The following RALGAPB variants were observed in gnomAD, a reference collection of about 807,000 sequenced individuals.
RALGAPB encodes the protein Ral GTPase activating protein non-catalytic subunit beta, also known as ral GTPase-activating protein subunit beta.
A neutral mutation model predicts 161.1 loss-of-function variants in RALGAPB; 25 were observed. The ratio of observed to expected loss-of-function variants is 0.16; its 90% CI spans 0.11 to 0.22. The LOEUF is 0.22. Among genes scored for constraint, RALGAPB ranks in the 10% least tolerant of loss-of-function variants. RALGAPB has a pLI of 1.00. For missense variants in RALGAPB, 1,391 were observed against 1,815.2 expected (o/e 0.77, Z 4.25); for synonymous variants, 629 against 626.1 (o/e 1.00, Z -0.07).
At chr20:38,540,838 T>C (rs1018698311) in intron 17 of RALGAPB, among the ~76,000 whole-genome samples, 1 of 152,158 alleles carries the variant, frequency 6.6e-6, no homozygotes, top group African/African-American at 2.4e-5. Flanking sequence ...ACACCAAAAT[T>C]TAGTTCTTTA....
chr20:38,492,217 T>C (rs2085299812), intron 2 of RALGAPB, among the ~76,000 whole-genome samples: 1 of 152,160 alleles, frequency 6.6e-6, no homozygotes, highest in African/African-American at 2.4e-5. Context: ...ACCAGTGACT[T>C]GGGCCAGATT....
chr20:38,557,463 C>T (rs2087625318), intron 22 of RALGAPB, among the ~76,000 whole-genome samples: 1 of 152,180 alleles, frequency 6.6e-6, no homozygotes, highest in South Asian at 2.1e-4. Context: ...ATCAGTTGTA[C>T]AAATAGTTTT....
chr20:38,562,680 G>A lies in RALGAPB; in HGVS notation c.3680G>A (p.Gly1227Asp), dbSNP rs1191685998. ...TSWSINCCDD[G>D]EGSQQEVISS... ...TGGTCTATTAATTGTTGTGATGATG[G>A]TGAAGGATCTCAACAAGGTAAAACT... Residue 1227 changes from glycine to aspartate, a missense_variant, in exon 24 of 30, where the codon GGT (glycine) becomes GAT (aspartate). By Grantham distance (94) the Gly-to-Asp change is moderately conservative. This residue lies in a region of RALGAPB where 436 missense variants were observed against 527.0 expected (regional missense o/e 0.83). Transcript: ENST00000262879. 3.7e-6 allele frequency: 6 copies of A among 1,609,856 alleles called. No homozygotes were observed. Among genetic ancestry groups the A allele is most frequent in the African/African-American group, 2.7e-5 (2 of 74,672 alleles).
chr20:38,537,116 A>G (rs962938435), intron 16 of RALGAPB, among the ~76,000 whole-genome samples: 23 of 152,228 alleles, frequency 1.5e-4, no homozygotes, highest in African/African-American at 5.3e-4. Flanking sequence ...CTGTAAGGCT[A>G]CAGTAACACA....
chr20:38,477,377 C>A (rs1051441358), intron 1 of RALGAPB, among the ~76,000 whole-genome samples: 1 of 152,156 alleles, frequency 6.6e-6, no homozygotes, highest in Non-Finnish European at 1.5e-5. Flanking sequence ...ACAGGGTATT[C>A]AAACGTTCTT....
At chr20:38,480,961 C>T (rs1171834043) in intron 1 of RALGAPB, among the ~76,000 whole-genome samples, 1 of 151,846 alleles carries the variant, frequency 6.6e-6, no homozygotes, top group Non-Finnish European at 1.5e-5. Context: ...TGGTCTTGAT[C>T]TCCTGACCTC....
At position 38,554,994 on chromosome 20, in the gene RALGAPB, G is replaced by A. The variant is rs547890130; in HGVS notation, c.3372+918G>A. On this transcript the variant is annotated intron_variant, in intron 22 of 29. Coordinates refer to ENST00000262879, the MANE Select transcript of RALGAPB (RefSeq NM_020336.4). ...AGCTTCTCAGGAGTCTGAGGCAAGA[G>A]GATTGCTTGAGCCTGAGAGTTCGAG... Among the ~76,000 whole-genome samples, 4 of 152,292 alleles carry A rather than the reference G, an allele frequency of 2.6e-5. No homozygotes were observed. In the South Asian group the frequency reaches 6.2e-4, roughly 24 times the overall value.
intron 28 of RALGAPB, among the ~76,000 whole-genome samples, chr20:38,572,950 G>C (rs2145546310): frequency 6.6e-6 from 1 of 152,098 alleles, no homozygotes; most frequent in African/African-American, 2.4e-5. Context: ...CTTTTAATCT[G>C]GAACAGTCCT....
intron 14 of RALGAPB, among the ~76,000 whole-genome samples, chr20:38,531,706 A>G (rs967726279): frequency 6.6e-6 from 1 of 152,180 alleles, no homozygotes; most frequent in African/African-American, 2.4e-5. Context: ...TGTCTTCAAG[A>G]TATATCATCC....
chr20:38,541,846 A>AT (rs2086978941), intron 18 of RALGAPB, among the ~76,000 whole-genome samples: 1 of 152,204 alleles, frequency 6.6e-6, no homozygotes, highest in African/African-American at 2.4e-5. Flanking sequence ...CTTGAGGAAA[A>AT]TGACACTGGA....
chr20:38,498,410 C>T (rs1228364797), intron 4 of RALGAPB, among the ~76,000 whole-genome samples: 1 of 152,196 alleles, frequency 6.6e-6, no homozygotes, highest in Non-Finnish European at 1.5e-5. Context: ...TTGACTAACA[C>T]ATGTGAGTGT....
chr20:38,574,043 A>G (rs2088340133), intron 28 of RALGAPB, 107 bp from the exon 29 acceptor site: 1 of 1,193,500 alleles, frequency 8.4e-7, no homozygotes, highest in South Asian at 1.7e-5. Flanking sequence ...CTGCCAAGCA[A>G]CAGGTCCCTT....
chr20:38,509,028 T>C, intron 5 of RALGAPB, 49 bp from the exon 6 acceptor site: 1 of 1,587,628 alleles, frequency 6.3e-7, no homozygotes, highest in Admixed American at 1.7e-5. Context: ...TTGAGTGTAT[T>C]TTTCAATCTG....
chr20:38,574,282 C>T lies in RALGAPB; in HGVS notation c.4275C>T (p.Val1425=). The T allele has an allele frequency of 6.2e-7, 1 of 1,610,896 alleles. No homozygotes were observed. ...MVIPLVDGMI[V]SRRALGFLVR... ...TCCCTCTTGTGGATGGGATGATTGT[C>T]AGCAGGCGAGCTCTTGGTAAGGTCT... Residue 1425 remains valine (V), a synonymous_variant, in exon 29 of 30, where the codon GTC becomes GTT. Coordinates refer to ENST00000262879, the MANE Select transcript of RALGAPB (RefSeq NM_020336.4).
At chr20:38,516,491 A>G (rs2086126838) in intron 7 of RALGAPB, 121 bp downstream of exon 7, 2 of 992,776 alleles carry the variant, frequency 2.0e-6, no homozygotes, top group African/African-American at 1.7e-5. Flanking sequence ...ATGACAAATA[A>G]CAAGCGAGGA....
In RALGAPB at chr20:38,544,498, C is replaced by T. The variant is rs192552410; in HGVS notation, c.2715-1745C>T. 2.6e-3 allele frequency among the ~76,000 whole-genome samples: 389 copies of T among 152,240 alleles called. 1 individual carries two copies. Among genetic ancestry groups the T allele is most frequent in the Non-Finnish European group, 3.6e-3 (243 of 68,014 alleles). ...GTATTTTTTTCTTGAGACGGAGTCTCGCCCTGTCACCCAGGCTGGAGTGCA... is the reference window on the plus strand; with the variant it reads ...GTATTTTTTTCTTGAGACGGAGTCTTGCCCTGTCACCCAGGCTGGAGTGCA... On this transcript the variant is annotated intron_variant, in intron 18 of 29. Coordinates refer to ENST00000262879, the MANE Select transcript of RALGAPB (RefSeq NM_020336.4).
At chr20:38,522,922 G>T (rs1232880932) in intron 10 of RALGAPB, among the ~76,000 whole-genome samples, 1 of 152,100 alleles carries the variant, frequency 6.6e-6, no homozygotes, top group African/African-American at 2.4e-5. Context: ...CTGTCTTCCT[G>T]GTCTGCCAGA....
chr20:38,474,506 T>G (rs1471971441), intron 1 of RALGAPB, among the ~76,000 whole-genome samples: 1 of 152,108 alleles, frequency 6.6e-6, no homozygotes, highest in East Asian at 1.9e-4. Context: ...CTCAAACTCC[T>G]GGGCTGAAGC....
chr20:38,543,637 C>G (rs979526811), intron 18 of RALGAPB, among the ~76,000 whole-genome samples: 2 of 152,170 alleles, frequency 1.3e-5, no homozygotes, highest in Non-Finnish European at 2.9e-5. Context: ...TGCAACTTGT[C>G]TGTTTTGCCG....
Sources: gnomAD v4.1 joint callset for allele counts (sites outside exome capture counted in the v4.1 genomes callset) on GRCh38, gnomAD v4.1.1 for gene constraint, gnomAD v4.1.1 regional missense constraint, MANE v1.5 for transcripts, NCBI Gene and HGNC (gene_info 2026-07-23, HGNC 2026-07-21) for gene names.